Variants in EPB41 observed in about 807,000 individuals in gnomAD.
EPB41 encodes the protein protein 4.1.
A neutral mutation model predicts 108.0 loss-of-function variants in EPB41; 65 were observed. The observed-to-expected ratio is 0.60, with a 90% confidence interval of 0.49 to 0.74. The LOEUF is 0.74. EPB41 is among the 30% of genes least tolerant of loss of function. The pLI is 0.00. For missense variants in EPB41, 875 were observed against 1,037.0 expected, an observed-to-expected ratio of 0.84 and a Z score of 2.15; for synonymous variants, 336 against 358.9, an observed-to-expected ratio of 0.94 and a Z score of 0.72.
At chr1:28,923,913 C>T (rs1199706632) in intron 1 of EPB41, among the ~76,000 whole-genome samples, 1 of 152,102 alleles carries the variant, frequency 6.6e-6, no homozygotes, top group Non-Finnish European at 1.5e-5. Context: ...TATGCATACC[C>T]TTAGTGTAAT....
In EPB41 at chr1:28,987,826, C is replaced by G; in HGVS notation, c.389C>G (p.Ala130Gly). The part of the protein sequence containing the change: ...TSLDEEIILK[A>G]PIAAPEPELK... ...CTTGATGAAGAGATCATTTTAAAGGCCCCAATTGCAGCTCCTGAACCGGAA... is the reference window on the plus strand; with the variant it reads ...CTTGATGAAGAGATCATTTTAAAGGGCCCAATTGCAGCTCCTGAACCGGAA... The change falls in exon 2 of 21, where the codon GCC becomes GGC. Residue 130 changes from alanine to glycine, a missense_variant. Transcript: ENST00000343067. 3 of 1,614,160 alleles carry G rather than the reference C, an allele frequency of 1.9e-6. No homozygotes were observed. The highest frequency in any genetic ancestry group is 2.5e-6 in the Non-Finnish European group (3 of 1,180,022).
chr1:29,081,371 T>C (rs969370062), intron 16 of EPB41, among the ~76,000 whole-genome samples: 3 of 152,224 alleles, frequency 2.0e-5, no homozygotes, highest in African/African-American at 7.2e-5. Context: ...CTAATCTTAC[T>C]GAAAAGTGAA....
At chr1:29,013,693 AT>A (rs2096538632) in intron 5 of EPB41, among the ~76,000 whole-genome samples, 1 of 151,820 alleles carries the variant, frequency 6.6e-6, no homozygotes, top group Non-Finnish European at 1.5e-5. Context: ...TACTTGGCTA[AT>A]TTTGTATTAT....
At chr1:29,051,250 C>A (rs1644470722) in intron 11 of EPB41, among the ~76,000 whole-genome samples, 1 of 151,568 alleles carries the variant, frequency 6.6e-6, no homozygotes, top group African/African-American at 2.4e-5. Context: ...AGGCGCCCAC[C>A]ACCACACTTG....
chr1:29,050,786 C>G lies in EPB41; in HGVS notation c.1637-2318C>G, dbSNP rs535407786. On this transcript the variant is annotated intron_variant, in intron 11 of 20. Transcript: ENST00000343067. ...CACCTCCTGGGTTCAGGCCATTCAC[C>G]TGCCTCAGCCTCCCAAGTAACTGGG... is the stretch of plus-strand genomic sequence containing the variant. Among the ~76,000 whole-genome samples the G allele has an allele frequency of 7.2e-5, 11 of 152,162 alleles. No homozygotes were observed. In the South Asian group the frequency reaches 2.3e-3, roughly 32 times the overall value.
At chr1:28,945,400 A>G (rs2094456147) in intron 1 of EPB41, among the ~76,000 whole-genome samples, 1 of 152,278 alleles carries the variant, frequency 6.6e-6, no homozygotes, top group East Asian at 1.9e-4. Context: ...TCCTTGTCAC[A>G]TAAAGGAGTT....
intron 1 of EPB41, among the ~76,000 whole-genome samples, chr1:28,915,101 C>T (rs1372033214): frequency 6.6e-6 from 1 of 152,012 alleles, no homozygotes; most frequent in East Asian, 1.9e-4. Flanking sequence ...GCAGGAGCCT[C>T]GGGAGGAAAC....
At chr1:29,099,487 C>T (rs971332709) in intron 17 of EPB41, among the ~76,000 whole-genome samples, 1 of 151,924 alleles carries the variant, frequency 6.6e-6, no homozygotes, top group African/African-American at 2.4e-5. Context: ...AGCTGCACCT[C>T]GCTAATTTTT....
At chr1:28,951,361 T>TACACACAC (rs58546363) in intron 1 of EPB41, among the ~76,000 whole-genome samples, 61 of 143,040 alleles carry the variant, frequency 4.3e-4, no homozygotes, top group African/African-American at 1.4e-3. Flanking sequence ...CCCTGTGTCT[T>TACACACAC]ACACACACAC....
chr1:29,108,889 A>G (rs1461725316), intron 17 of EPB41, among the ~76,000 whole-genome samples: 3 of 7,580 alleles, frequency 4.0e-4, no homozygotes, highest in Admixed American at 1.1e-3. Flanking sequence ...GGTTACCCTG[A>G]AAAAAAAAAA....
At chr1:28,932,977 C>T (rs1176309139) in intron 1 of EPB41, among the ~76,000 whole-genome samples, 1 of 152,122 alleles carries the variant, frequency 6.6e-6, no homozygotes, top group African/African-American at 2.4e-5. Context: ...TTAAATACCT[C>T]AGTTGACAAT....
intron 1 of EPB41, among the ~76,000 whole-genome samples, chr1:28,941,269 ACT>A (rs2094273605): frequency 6.6e-6 from 1 of 151,850 alleles, no homozygotes; most frequent in South Asian, 2.1e-4. Flanking sequence ...AGTCCCAGCT[ACT>A]CGGGAGACTA....
chr1:29,071,615 C>T (rs771180358), intron 16 of EPB41: 1 of 152,096 alleles, frequency 6.6e-6, no homozygotes, highest in Non-Finnish European at 1.5e-5. Context: ...GCTTTGTGAC[C>T]TCAAGTTCAC....
chr1:29,082,649 GGTC>G (rs1657195510), intron 16 of EPB41, among the ~76,000 whole-genome samples: 2 of 152,054 alleles, frequency 1.3e-5, no homozygotes, highest in Non-Finnish European at 2.9e-5. Flanking sequence ...AAACGCTTCT[GGTC>G]TGTTAGACAT....
At chr1:28,915,628 C>T (rs755653729) in intron 1 of EPB41, among the ~76,000 whole-genome samples, 1 of 152,036 alleles carries the variant, frequency 6.6e-6, no homozygotes, top group Non-Finnish European at 1.5e-5. Flanking sequence ...TTAACTGTAC[C>T]CTGTACCCTG....
Position 29,033,075 on chromosome 1 carries a change from A to G in EPB41, c.1213-18A>G. The G allele has an allele frequency of 1.2e-5, 19 of 1,613,238 alleles. No individual in the cohort carries two copies. Among genetic ancestry groups the G allele is most frequent in the Non-Finnish European group, 1.6e-5 (19 of 1,179,510 alleles). The stretch of plus-strand genomic sequence containing the variant: ...GTACTTTGCTCCAGACTGAAATCCT[A>G]ACATTTTTCTTTTTCAGGACTTGGA... On this transcript the variant is annotated intron_variant, in intron 8 of 20. Coordinates refer to ENST00000343067, the MANE Select transcript of EPB41 (RefSeq NM_001376013.1).
At chr1:29,033,654 G>C (rs112253345) in intron 9 of EPB41, among the ~76,000 whole-genome samples, 4 of 151,962 alleles carry the variant, frequency 2.6e-5, no homozygotes, top group African/African-American at 4.8e-5. Context: ...ATAGCTTCTC[G>C]TGGTTACTGA....
intron 1 of EPB41, chr1:28,982,480 G>T (rs2095777707): frequency 2.5e-6 from 2 of 813,596 alleles, no homozygotes; most frequent in African/African-American, 1.7e-5. Flanking sequence ...GTCAATTCCA[G>T]ACACCAGAGC....
chr1:29,010,396 G>A (rs1263147657), intron 4 of EPB41, among the ~76,000 whole-genome samples: 5 of 152,116 alleles, frequency 3.3e-5, no homozygotes, highest in Admixed American at 1.3e-4. Context: ...CAAGGGAAGG[G>A]GAGGGATTAG....
Sources: gnomAD v4.1 joint callset for allele counts (sites outside exome capture counted in the v4.1 genomes callset) on GRCh38, gnomAD v4.1.1 for gene constraint, MANE v1.5 for transcripts, NCBI Gene and HGNC (gene_info 2026-07-23, HGNC 2026-07-21) for gene names.